Variants in CHL1 observed in about 807,000 individuals in gnomAD.
CHL1 encodes the protein cell adhesion molecule L1 like.
A neutral mutation model predicts 141.9 loss-of-function variants in CHL1; 96 were observed. The observed-to-expected ratio is 0.68, with a 90% confidence interval of 0.57 to 0.80. The LOEUF (loss-of-function observed/expected upper bound fraction) is 0.80. Ranked by LOEUF, CHL1 falls within the 30% of genes least tolerant of loss-of-function variation. The probability of loss-of-function intolerance (pLI) is 0.00; values close to 1 mark genes in which losing one functional copy is unlikely to be tolerated. For synonymous variants in CHL1, 613 were observed against 502.2 expected, an observed-to-expected ratio of 1.22 and a Z score of -2.95; for missense variants, 1,820 against 1,457.2, an observed-to-expected ratio of 1.25 and a Z score of -4.05.
Position 391,110 on chromosome 3 carries a change from A to T in CHL1, c.2742A>T (p.Lys914Asn). The change falls in exon 22 of 28, where the codon AAA becomes AAT. Residue 914 changes from lysine (K) to asparagine (N), a missense_variant. Transcript: ENST00000256509. ...FHLTVLAYNSKGAGPESEPYI... is the reference protein window; with the variant it reads ...FHLTVLAYNSNGAGPESEPYI... ...TAACAGTCTTAGCCTATAACTCTAA[A>T]GGAGCTGGTCCTGAAAGTGAGCCTT... 2 of 1,614,018 alleles carry T rather than the reference A, an allele frequency of 1.2e-6. No homozygotes were observed. Among genetic ancestry groups the T allele is most frequent in the African/African-American group, 1.3e-5 (1 of 75,056 alleles).
At chr3:255,963 C>T (rs1694120281) in intron 2 of CHL1, among the ~76,000 whole-genome samples, 1 of 152,132 alleles carries the variant, frequency 6.6e-6, no homozygotes, top group Admixed American at 6.5e-5. Context: ...TATTTCTTAC[C>T]TTGCCTACTT....
At chr3:208,289 T>C (rs1004905424) in intron 1 of CHL1, among the ~76,000 whole-genome samples, 1 of 147,766 alleles carries the variant, frequency 6.8e-6, no homozygotes, top group Non-Finnish European at 1.5e-5. Flanking sequence ...ACAGCAGGCC[T>C]TAAAAACCCA....
intron 2 of CHL1, among the ~76,000 whole-genome samples, chr3:275,536 A>T (rs1237201556): frequency 6.6e-6 from 1 of 152,234 alleles, no homozygotes; most frequent in Non-Finnish European, 1.5e-5. Context: ...ATCTGGACTG[A>T]CACAGTTTTG....
intron 27 of CHL1, among the ~76,000 whole-genome samples, chr3:404,767 A>G (rs1197079376): frequency 6.6e-6 from 1 of 152,206 alleles, no homozygotes; most frequent in Non-Finnish European, 1.5e-5. Context: ...GGAGGCCAGG[A>G]GCTCCAAAAG....
In CHL1 at chr3:391,055, C is replaced by T; in HGVS notation, c.2687C>T (p.Pro896Leu). ...FSGQRNSGMVPSLDAFSEFHL... is the reference protein window; with the variant it reads ...FSGQRNSGMVLSLDAFSEFHL... ...GGACAAAGAAACTCTGGAATGGTTCCTTCCTTAGATGCCTTTAGTGAATTT... is the reference window on the plus strand; with the variant it reads ...GGACAAAGAAACTCTGGAATGGTTCTTTCCTTAGATGCCTTTAGTGAATTT... The change falls in exon 22 of 28, where the codon CCT (proline) becomes CTT (leucine). Residue 896 changes from proline (P) to leucine (L), a missense_variant. By Grantham distance (98) the Pro-to-Leu change is moderately conservative. Transcript: ENST00000256509. The T allele has an allele frequency of 1.2e-6, 2 of 1,613,806 alleles. No individual in the cohort carries two copies. The highest frequency in any genetic ancestry group is 1.3e-5 in the African/African-American group (1 of 75,054).
chr3:378,550 G>T (rs566739614), intron 16 of CHL1, among the ~76,000 whole-genome samples: 1 of 152,248 alleles, frequency 6.6e-6, no homozygotes, highest in South Asian at 2.1e-4. Context: ...CCATCTGCTG[G>T]ATGTTTTCCA....
chr3:353,128 T>C (rs186014266), intron 10 of CHL1, among the ~76,000 whole-genome samples: 171 of 152,318 alleles, frequency 1.1e-3, no homozygotes, highest in Non-Finnish European at 2.2e-3. Flanking sequence ...GTAATACTAA[T>C]ATTACTAATA....
intron 2 of CHL1, among the ~76,000 whole-genome samples, chr3:294,262 T>C (rs1697982324): frequency 6.6e-6 from 1 of 152,034 alleles, no homozygotes; most frequent in South Asian, 2.1e-4. Context: ...GAGGATGCAG[T>C]GAGTCATGAT....
At chr3:334,154 T>A in intron 5 of CHL1, among the ~76,000 whole-genome samples, 1 of 152,110 alleles carries the variant, frequency 6.6e-6, no homozygotes, top group East Asian at 1.9e-4. Flanking sequence ...AATTTACATA[T>A]CATAAATTTT....
intron 2 of CHL1, among the ~76,000 whole-genome samples, chr3:287,806 T>A (rs1697297327): frequency 6.6e-6 from 1 of 151,900 alleles, no homozygotes; most frequent in South Asian, 2.1e-4. Flanking sequence ...CACTCTATCA[T>A]CCAGGGTGGA....
At chr3:214,038 T>G (rs577474475) in intron 1 of CHL1, among the ~76,000 whole-genome samples, 1 of 152,238 alleles carries the variant, frequency 6.6e-6, no homozygotes, top group South Asian at 2.1e-4. Flanking sequence ...ACAACTACAT[T>G]TGGGGAGTCA....
At chr3:198,338 C>T (rs1405790174) in intron 1 of CHL1, among the ~76,000 whole-genome samples, 1 of 151,838 alleles carries the variant, frequency 6.6e-6, no homozygotes, top group Non-Finnish European at 1.5e-5. Flanking sequence ...CCCTGCCAGG[C>T]GCGTGCGCGA....
At chr3:321,813 T>C (rs1700585579) in intron 3 of CHL1, among the ~76,000 whole-genome samples, 1 of 152,092 alleles carries the variant, frequency 6.6e-6, no homozygotes, top group Admixed American at 6.6e-5. Flanking sequence ...CACAAATAAA[T>C]GCAACTAAGG....
chr3:300,114 G>T (rs1049763412), intron 2 of CHL1, among the ~76,000 whole-genome samples: 1 of 152,144 alleles, frequency 6.6e-6, no homozygotes, highest in Admixed American at 6.6e-5. Flanking sequence ...TTTCAGAGAT[G>T]AAGTAATAAG....
chr3:255,738 G>A (rs906019926), intron 2 of CHL1, among the ~76,000 whole-genome samples: 3 of 152,062 alleles, frequency 2.0e-5, no homozygotes, highest in Non-Finnish European at 4.4e-5. Flanking sequence ...AGTAGTTCTC[G>A]CCTTTGACTG....
At chr3:374,464 G>A (rs1323249280) in intron 15 of CHL1, among the ~76,000 whole-genome samples, 1 of 152,102 alleles carries the variant, frequency 6.6e-6, no homozygotes, top group Non-Finnish European at 1.5e-5. Context: ...GGGAATCAGA[G>A]ACCCATGGCT....
chr3:220,027 TA>T (rs1700692690), intron 1 of CHL1, among the ~76,000 whole-genome samples: 1 of 152,168 alleles, frequency 6.6e-6, no homozygotes, highest in Non-Finnish European at 1.5e-5. Context: ...TGCAACAAAA[TA>T]AATGACTCTT....
chr3:405,582 A>T lies in CHL1; in HGVS notation c.3546A>T (p.Glu1182Asp), dbSNP rs1033162132. 2 of 1,613,540 alleles carry T rather than the reference A, an allele frequency of 1.2e-6. No individual in the cohort carries two copies. The highest frequency in any genetic ancestry group is 1.7e-6 in the Non-Finnish European group (2 of 1,179,574). Residue 1182 changes from glutamate to aspartate, a missense_variant, in exon 28 of 28, where the codon GAA (glutamate) becomes GAT (aspartate). Coordinates refer to ENST00000256509, the MANE Select transcript of CHL1 (RefSeq NM_006614.4). ...CTGAAAGTGCTGACAGCTTAGTCGA[A>T]TACGGAGAGGGAGACCATGGTCTCT... is the stretch of plus-strand genomic sequence containing the variant. ...QPTESADSLV[E>D]YGEGDHGLFS...
chr3:243,965 A>G (rs1692913235), intron 1 of CHL1, among the ~76,000 whole-genome samples: 1 of 152,210 alleles, frequency 6.6e-6, no homozygotes, highest in African/African-American at 2.4e-5. Flanking sequence ...AGCTTAAGCA[A>G]TCTTTCTGAG....
Sources: gnomAD v4.1 joint callset for allele counts (sites outside exome capture counted in the v4.1 genomes callset) on GRCh38, gnomAD v4.1.1 for gene constraint, MANE v1.5 for transcripts, NCBI Gene and HGNC (gene_info 2026-07-23, HGNC 2026-07-21) for gene names.